The following GNG12 variants were observed in gnomAD, a reference collection of about 807,000 sequenced individuals.
GNG12 encodes G protein subunit gamma 12, also known as guanine nucleotide-binding protein G(I)/G(S)/G(O) subunit gamma-12.
For synonymous variants in GNG12, 28 were observed against 29.7 expected (o/e 0.94, Z 0.19); for missense variants, 69 against 83.8 (o/e 0.82, Z 0.69).
At chr1:67,807,048 A>G (rs1033605798) in intron 1 of GNG12, among the ~76,000 whole-genome samples, 3 of 152,176 alleles carry the variant, frequency 2.0e-5, no homozygotes, top group African/African-American at 7.2e-5. Flanking sequence ...CATAAAAAAA[A>G]CCTTAACAAA....
At chr1:67,709,444 A>G (rs778349680) in intron 2 of GNG12, among the ~76,000 whole-genome samples, 1 of 152,138 alleles carries the variant, frequency 6.6e-6, no homozygotes, top group Non-Finnish European at 1.5e-5. Flanking sequence ...TCAGAGCCCA[A>G]TGCAAAGACT....
intron 2 of GNG12, among the ~76,000 whole-genome samples, chr1:67,733,490 A>G (rs1055516442): frequency 2.6e-5 from 4 of 152,200 alleles, no homozygotes; most frequent in Non-Finnish European, 4.4e-5. Flanking sequence ...ATATTTGCAT[A>G]TGGTTCTGCA....
rs1646215232 is a variant in GNG12 at position 67,701,588 on chromosome 1, T to C, written c.*3863A>G. 1 of 152,686 alleles carries C rather than the reference T, an allele frequency of 6.5e-6. No individual in the cohort carries two copies. The highest frequency in any genetic ancestry group is 1.5e-5 in the Non-Finnish European group (1 of 68,052). The allele number at this position is 152,686 out of a possible 1,614,324, so 9.5% of individuals were successfully genotyped here. On this transcript the variant is annotated 3_prime_UTR_variant, in exon 4 of 4. Transcript: ENST00000370982. ...GAAACTTCTTTCAAATCTGTGAACA[T>C]GCTAGCTGTGAAGTACATGCTTTTA...
At chr1:67,720,393 C>A (rs1167174207) in intron 2 of GNG12, among the ~76,000 whole-genome samples, 1 of 152,182 alleles carries the variant, frequency 6.6e-6, no homozygotes, top group Non-Finnish European at 1.5e-5. Context: ...TGTTTACAGT[C>A]AACACTAAGA....
chr1:67,758,265 C>T (rs747274163), intron 2 of GNG12, among the ~76,000 whole-genome samples: 4 of 152,176 alleles, frequency 2.6e-5, no homozygotes, highest in Admixed American at 6.5e-5. Flanking sequence ...TGAGCCACTG[C>T]GTCCAGCCCT....
intron 1 of GNG12, among the ~76,000 whole-genome samples, chr1:67,787,573 CAG>C (rs1646777992): frequency 6.6e-6 from 1 of 152,146 alleles, no homozygotes; most frequent in African/African-American, 2.4e-5. Flanking sequence ...AGAGCACTGA[CAG>C]GGGGGACAGC....
intron 1 of GNG12, among the ~76,000 whole-genome samples, chr1:67,797,138 A>G (rs1206627444): frequency 2.0e-5 from 3 of 152,156 alleles, no homozygotes; most frequent in African/African-American, 4.8e-5. Flanking sequence ...GGGGACAAAC[A>G]TCCAAACTAA....
At position 67,791,299 on chromosome 1, in the gene GNG12, T is replaced by C. The variant is rs76131239; in HGVS notation, c.-76-13792A>G. Among the ~76,000 whole-genome samples the C allele has an allele frequency of 3.0e-4, 46 of 152,310 alleles. No homozygotes were observed. In the East Asian group the frequency reaches 8.1e-3, roughly 27 times the overall value. ...TTAGGTGTCTTAGCAAACTGTGATA[T>C]GTATTTTCAGTCTCCTTTGCTGAAT... On this transcript the variant is annotated intron_variant, in intron 1 of 3. Transcript: ENST00000370982.
At chr1:67,733,119 G>A (rs2100702019) in intron 2 of GNG12, among the ~76,000 whole-genome samples, 1 of 152,272 alleles carries the variant, frequency 6.6e-6, no homozygotes, top group East Asian at 1.9e-4. Flanking sequence ...ACTGGAATCA[G>A]CCCATTTTCT....
At chr1:67,768,979 G>A (rs1646657520) in intron 2 of GNG12, among the ~76,000 whole-genome samples, 1 of 152,122 alleles carries the variant, frequency 6.6e-6, no homozygotes, top group Admixed American at 6.5e-5. Flanking sequence ...TCATATGATG[G>A]GTCTGGGGGA....
intron 1 of GNG12, among the ~76,000 whole-genome samples, chr1:67,782,047 A>C (rs1311599613): frequency 1.3e-5 from 2 of 152,196 alleles, no homozygotes; most frequent in Non-Finnish European, 2.9e-5. Flanking sequence ...CAGCTACTCT[A>C]TGCAACAGCA....
intron 1 of GNG12, among the ~76,000 whole-genome samples, chr1:67,804,787 C>T (rs554883832): frequency 3.3e-5 from 5 of 151,786 alleles, no homozygotes; most frequent in Admixed American, 3.3e-4. Context: ...CTAGAGACTT[C>T]GTGTGGACAA....
At chr1:67,775,778 G>A (rs1361361064) in intron 2 of GNG12, among the ~76,000 whole-genome samples, 2 of 152,198 alleles carry the variant, frequency 1.3e-5, no homozygotes, top group Non-Finnish European at 2.9e-5. Flanking sequence ...GTCAGAGCAG[G>A]CAAGATCACA....
intron 1 of GNG12, among the ~76,000 whole-genome samples, chr1:67,805,678 T>C (rs1646890826): frequency 6.6e-6 from 1 of 151,976 alleles, no homozygotes; most frequent in Non-Finnish European, 1.5e-5. Context: ...ACAAAAGGTG[T>C]AACATACATG....
At chr1:67,732,566 G>A (rs750596423) in intron 2 of GNG12, among the ~76,000 whole-genome samples, 1 of 152,234 alleles carries the variant, frequency 6.6e-6, no homozygotes, top group Non-Finnish European at 1.5e-5. Flanking sequence ...TTCAGGAATC[G>A]AGTGGCAGGT....
chr1:67,740,616 G>C (rs491936), intron 2 of GNG12, among the ~76,000 whole-genome samples: 1 of 152,122 alleles, frequency 6.6e-6, no homozygotes, highest in South Asian at 2.1e-4. Context: ...TAATTGCTAC[G>C]GTTTAAATGT....
At chr1:67,815,984 T>G (rs1189185558) in intron 1 of GNG12, among the ~76,000 whole-genome samples, 1 of 152,172 alleles carries the variant, frequency 6.6e-6, no homozygotes. Context: ...CTGGGCCCCA[T>G]GCCAGGGCTG....
At chr1:67,788,327 A>T (rs571424365) in intron 1 of GNG12, among the ~76,000 whole-genome samples, 44 of 151,598 alleles carry the variant, frequency 2.9e-4, no homozygotes, top group African/African-American at 9.2e-4. Context: ...AACTTTTTTG[A>T]TTTGTTTTGT....
chr1:67,712,098 CACA>C (rs1646299048), intron 2 of GNG12, among the ~76,000 whole-genome samples: 1 of 152,188 alleles, frequency 6.6e-6, no homozygotes, highest in Non-Finnish European at 1.5e-5. Flanking sequence ...CTGGGCTGTG[CACA>C]ACAAGATAGA....
Sources: allele counts gnomAD v4.1 joint callset (sites outside exome capture counted in the v4.1 genomes callset), GRCh38; gene constraint gnomAD v4.1.1; transcripts MANE v1.5; gene names NCBI Gene and HGNC (gene_info 2026-07-23, HGNC 2026-07-21).